Variants in FZD3 observed in about 807,000 individuals in gnomAD.
The protein encoded by FZD3 is frizzled class receptor 3, also known as frizzled-3.
In FZD3, 30 loss-of-function variants were observed where a neutral mutation model predicts 60.7. The ratio of observed to expected loss-of-function variants is 0.49; its 90% CI spans 0.37 to 0.67. The LOEUF is 0.67. Among genes scored for constraint, FZD3 ranks in the 30% least tolerant of loss-of-function variants. The pLI is 0.00. For synonymous variants in FZD3, 246 were observed against 275.2 expected, an observed-to-expected ratio of 0.89 and a Z score of 1.05; for missense variants, 605 against 838.7, an observed-to-expected ratio of 0.72 and a Z score of 3.44.
In FZD3 at chr8:28,563,960, A is replaced by C. The variant is rs1805661579; in HGVS notation, c.*949A>C. 6.5e-6 allele frequency: 1 copy of C among 152,682 alleles called. No homozygotes were observed. Among genetic ancestry groups the C allele is most frequent in the African/African-American group, 2.4e-5 (1 of 41,462 alleles). The allele number at this position is 152,682 out of a possible 1,614,324, so 9.5% of individuals were successfully genotyped here. On this transcript the variant is annotated 3_prime_UTR_variant, in exon 8 of 8. Transcript: ENST00000240093. ...CTACAGTGAGATGTGATCTTGCCAA[A>C]GCCACCAGACCTTGGCTTCCAGGCC...
chr8:28,551,681 G>A lies in FZD3; in HGVS notation c.1483G>A (p.Val495Ile), dbSNP rs1299756499. 1.1e-5 allele frequency: 17 copies of A among 1,612,394 alleles called. No individual in the cohort carries two copies. The highest frequency in any genetic ancestry group is 1.3e-5 in the Non-Finnish European group (15 of 1,178,944). Residue 495 changes from valine (V) to isoleucine (I), a missense_variant, in exon 6 of 8, where the codon GTA (valine) becomes ATA (isoleucine). Transcript: ENST00000240093. ...LMALIVGIPSVFWVGSKKTCF... is the reference protein window; with the variant it reads ...LMALIVGIPSIFWVGSKKTCF... ...GGCTCTCATAGTTGGCATTCCCTCT[G>A]TATTTTGGGTTGGAAGCAAAAAGAC...
chr8:28,538,088 G>A (rs1429148686), intron 5 of FZD3, among the ~76,000 whole-genome samples: 1 of 151,356 alleles, frequency 6.6e-6, no homozygotes, highest in African/African-American at 2.4e-5. Flanking sequence ...CTGCACTCCA[G>A]CCTGGGCGAC....
At chr8:28,517,695 G>T (rs7844541) in intron 3 of FZD3, among the ~76,000 whole-genome samples, 88,855 of 151,808 alleles carry the variant, frequency 0.59, 26,173 homozygotes, top group East Asian at 0.65. Flanking sequence ...TCTTCTGATA[G>T]CTCTAATAAG....
chr8:28,572,775 A>AT lies in FZD3; in HGVS notation c.*9767dup, dbSNP rs146791785. 519 of 152,264 alleles carry AT rather than the reference A, an allele frequency of 3.4e-3. 3 individuals carry two copies. The highest frequency in any genetic ancestry group is 0.012 in the African/African-American group (500 of 41,560). 9.4% of individuals were successfully genotyped at this position (152,264 alleles called of 1,614,324 possible). A position where few individuals can be genotyped will look rare whatever the true frequency, so the allele number is the denominator to read the frequency against. On this transcript the variant is annotated 3_prime_UTR_variant, in exon 8 of 8. Transcript: ENST00000240093. ...GTAAACAAATTTGCCATAAAATGCC[A>AT]TTTAAGGATTTTCTTTTTACCTTTA...
rs1304277478 is a variant in FZD3 at position 28,565,517 on chromosome 8, A to AT, written c.*2507dup. On this transcript the variant is annotated 3_prime_UTR_variant, in exon 8 of 8. Transcript: ENST00000240093. ...GTTGTCATCCATTGCCATCTGCATTATATTATCAACTGCCAAAATGTTAAT... is the reference window on the plus strand; with the variant it reads ...GTTGTCATCCATTGCCATCTGCATTATTATTATCAACTGCCAAAATGTTAAT... The AT allele has an allele frequency of 6.6e-6, 1 of 152,210 alleles. No individual in the cohort carries two copies. The highest frequency in any genetic ancestry group is 1.5e-5 in the Non-Finnish European group (1 of 68,020). 9.4% of individuals were successfully genotyped at this position (152,210 alleles called of 1,614,324 possible).
chr8:28,548,000 C>T (rs1281805893), intron 5 of FZD3, among the ~76,000 whole-genome samples: 2 of 151,724 alleles, frequency 1.3e-5, no homozygotes, highest in Non-Finnish European at 2.9e-5. Flanking sequence ...CTACAGGCGC[C>T]CACCATCACA....
intron 5 of FZD3, among the ~76,000 whole-genome samples, chr8:28,537,768 T>G (rs1329448965): frequency 6.6e-6 from 1 of 152,220 alleles, no homozygotes; most frequent in African/African-American, 2.4e-5. Flanking sequence ...TGTTGCATTC[T>G]CATTTCTACT....
intron 5 of FZD3, among the ~76,000 whole-genome samples, chr8:28,542,865 G>A (rs1308128791): frequency 6.6e-6 from 1 of 152,138 alleles, no homozygotes; most frequent in East Asian, 1.9e-4. Flanking sequence ...TTTGTACAAG[G>A]TCATGGTAGC....
chr8:28,514,748 CTT>C (rs1472052296), intron 3 of FZD3, among the ~76,000 whole-genome samples: 1 of 152,192 alleles, frequency 6.6e-6, no homozygotes, highest in East Asian at 1.9e-4. Context: ...AACTGTCTCA[CTT>C]GGCAGTTGAG....
chr8:28,550,707 G>T (rs913527389), intron 5 of FZD3, among the ~76,000 whole-genome samples: 2 of 151,730 alleles, frequency 1.3e-5, no homozygotes, highest in African/African-American at 4.8e-5. Flanking sequence ...GGCCAGGCTG[G>T]TCTTGAACCC....
chr8:28,522,850 A>G (rs1365710963), intron 4 of FZD3, among the ~76,000 whole-genome samples: 3 of 145,396 alleles, frequency 2.1e-5, no homozygotes, highest in Non-Finnish European at 4.5e-5. Flanking sequence ...GCTCACTGCA[A>G]CCTCCACCTC....
At chr8:28,561,364 G>A (rs988446147) in intron 7 of FZD3, among the ~76,000 whole-genome samples, 4 of 151,992 alleles carry the variant, frequency 2.6e-5, no homozygotes, top group East Asian at 1.9e-4. Flanking sequence ...GCCAAAAGAC[G>A]TGTTTAAAAA....
At chr8:28,546,400 C>T (rs1805293746) in intron 5 of FZD3, among the ~76,000 whole-genome samples, 1 of 152,156 alleles carries the variant, frequency 6.6e-6, no homozygotes, top group Admixed American at 6.5e-5. Flanking sequence ...AAACATTTAC[C>T]AGCACACCAC....
intron 5 of FZD3, among the ~76,000 whole-genome samples, chr8:28,549,789 C>A (rs1805370772): frequency 6.6e-6 from 1 of 152,116 alleles, no homozygotes; most frequent in African/African-American, 2.4e-5. Flanking sequence ...AGAATGAATA[C>A]TTCTATCAAA....
chr8:28,495,518 C>T (rs1189399811), intron 1 of FZD3, among the ~76,000 whole-genome samples: 4 of 152,166 alleles, frequency 2.6e-5, no homozygotes, highest in Non-Finnish European at 5.9e-5. Flanking sequence ...CTGACTACCC[C>T]TGGGGATGTT....
intron 4 of FZD3, among the ~76,000 whole-genome samples, chr8:28,523,849 G>A (rs577083340): frequency 7.2e-5 from 11 of 152,278 alleles, no homozygotes; most frequent in South Asian, 4.1e-4. Flanking sequence ...TTAAGAGATC[G>A]TGAGGACTCT....
At chr8:28,536,443 C>A (rs929311346) in intron 5 of FZD3, among the ~76,000 whole-genome samples, 1 of 152,218 alleles carries the variant, frequency 6.6e-6, no homozygotes, top group African/African-American at 2.4e-5. Context: ...CGCAGTGGCT[C>A]ATGCCTGTAA....
rs1013838845 is a variant in FZD3 at position 28,567,450 on chromosome 8, T to G, written c.*4439T>G. On this transcript the variant is annotated 3_prime_UTR_variant, in exon 8 of 8. Coordinates refer to ENST00000240093, the MANE Select transcript of FZD3 (RefSeq NM_017412.4). ...ATGAGTCACTGCACCTGGCTTAATT[T>G]TAATTTTTTTAATTTTTTGTAGAGA... 6.6e-6 allele frequency: 1 copy of G among 152,170 alleles called. No individual in the cohort carries two copies. The highest frequency in any genetic ancestry group is 1.5e-5 in the Non-Finnish European group (1 of 68,106). 9.4% of individuals were successfully genotyped at this position (152,170 alleles called of 1,614,324 possible).
At chr8:28,538,351 GT>G (rs1240171957) in intron 5 of FZD3, among the ~76,000 whole-genome samples, 2 of 152,190 alleles carry the variant, frequency 1.3e-5, no homozygotes, top group South Asian at 4.2e-4. Flanking sequence ...GTTGCTTCTA[GT>G]TTTTTAAGTT....
Sources: gnomAD v4.1 joint callset for allele counts (sites outside exome capture counted in the v4.1 genomes callset) on GRCh38, gnomAD v4.1.1 for gene constraint, MANE v1.5 for transcripts, NCBI Gene and HGNC (gene_info 2026-07-23, HGNC 2026-07-21) for gene names.